The following TENM2 variants were observed in gnomAD, a reference collection of about 807,000 sequenced individuals.
TENM2 encodes teneurin transmembrane protein 2, also known as teneurin-2.
Under a neutral mutation model 245.2 loss-of-function variants are expected in TENM2, and 52 were observed. The ratio of observed to expected loss-of-function variants is 0.21; its 90% CI spans 0.17 to 0.27. The LOEUF is 0.27. Ranked by LOEUF, TENM2 falls within the 10% of genes least tolerant of loss-of-function variation. The pLI is 1.00. For missense variants in TENM2, 3,046 were observed against 3,666.8 expected, an observed-to-expected ratio of 0.83 and a Z score of 4.37; for synonymous variants, 1,363 against 1,438.9, an observed-to-expected ratio of 0.95 and a Z score of 1.19.
intron 2 of TENM2, among the ~76,000 whole-genome samples, chr5:167,545,854 G>A (rs1672174176): frequency 6.6e-6 from 1 of 152,114 alleles, no homozygotes; most frequent in Non-Finnish European, 1.5e-5. Context: ...TTGACCATAC[G>A]TACAGACTTG....
the TENM2 span, among the ~76,000 whole-genome samples, chr5:167,107,846 A>G: frequency 6.6e-6 from 1 of 152,194 alleles, no homozygotes; most frequent in Non-Finnish European, 1.5e-5. Flanking sequence ...TTCACATAAA[A>G]ATGTTCAAAT....
the TENM2 span, among the ~76,000 whole-genome samples, chr5:167,226,813 A>C: frequency 1.3e-4 from 20 of 151,974 alleles, no homozygotes; most frequent in South Asian, 6.2e-4. Context: ...AGTGAGATTT[A>C]TTTCTTTCTT....
chr5:167,456,885 T>C (rs574299091), intron 2 of TENM2, among the ~76,000 whole-genome samples: 3 of 152,306 alleles, frequency 2.0e-5, no homozygotes, highest in African/African-American at 7.2e-5. Context: ...TCATAAGTCA[T>C]GCTGCAGCTC....
At chr5:168,094,003 ACACATAGACATACACATACACACAGG>A (rs1689920905) in intron 8 of TENM2, among the ~76,000 whole-genome samples, 1 of 151,038 alleles carries the variant, frequency 6.6e-6, no homozygotes, top group Non-Finnish European at 1.5e-5. Flanking sequence ...AGACACACAT[ACACATAGACATACACATACACACAGG>A]CACACACACA....
chr5:167,861,740 C>CTTAAATGTGT (rs1771831132), intron 2 of TENM2, among the ~76,000 whole-genome samples: 1 of 152,216 alleles, frequency 6.6e-6, no homozygotes, highest in Admixed American at 6.5e-5. Context: ...GAAGGGCACA[C>CTTAAATGTGT]ATTTAATTTG....
chr5:168,102,224 C>T (rs528294637), intron 9 of TENM2, among the ~76,000 whole-genome samples: 1 of 152,194 alleles, frequency 6.6e-6, no homozygotes, highest in South Asian at 2.1e-4. Context: ...CAGGCATGTG[C>T]CACCATGAAT....
intron 2 of TENM2, among the ~76,000 whole-genome samples, chr5:167,739,515 G>A (rs1024285308): frequency 4.6e-5 from 7 of 152,094 alleles, no homozygotes; most frequent in Non-Finnish European, 8.8e-5. Context: ...GAAGCAATAA[G>A]CAACTCCCTA....
intron 2 of TENM2, among the ~76,000 whole-genome samples, chr5:167,816,686 A>T (rs572388751): frequency 2.2e-4 from 33 of 152,274 alleles, no homozygotes; most frequent in African/African-American, 7.7e-4. Flanking sequence ...ATATGGAAAA[A>T]AAAATCCTAG....
At chr5:167,415,984 A>G (rs1309966427) in intron 2 of TENM2, among the ~76,000 whole-genome samples, 1 of 152,164 alleles carries the variant, frequency 6.6e-6, no homozygotes, top group Non-Finnish European at 1.5e-5. Flanking sequence ...AGTAATTGTG[A>G]CAGCCCTGTG....
At chr5:167,706,209 A>G (rs1314314401) in intron 2 of TENM2, among the ~76,000 whole-genome samples, 1 of 146,070 alleles carries the variant, frequency 6.8e-6, no homozygotes, top group Non-Finnish European at 1.5e-5. Flanking sequence ...ATATAATTAT[A>G]TAGTATGTAA....
rs1453720866 is a variant in TENM2, at chr5:168,231,332, T to TAAGA, written c.5520+3204_5520+3207dup. Among the ~76,000 whole-genome samples the TAAGA allele has an allele frequency of 3.9e-5, 6 of 152,282 alleles. 2 individuals are homozygous for TAAGA. The South Asian group carries it at 1.0e-3, about 26-fold the overall frequency. On this transcript the variant is annotated intron_variant, in intron 25 of 28. Transcript: ENST00000518659. ...AGCTGGAATCATTTCTGTAGAGTAG[T>TAAGA]AAGAATCAGCCAGGCAGAGATAGGG...
At chr5:168,054,770 G>A (rs373288578) in intron 6 of TENM2, among the ~76,000 whole-genome samples, 2 of 152,288 alleles carry the variant, frequency 1.3e-5, no homozygotes, top group South Asian at 4.1e-4. Flanking sequence ...TCAGAAATAG[G>A]TAATAGTTTC....
At chr5:167,350,891 G>GGATATA (rs1464489531) in intron 1 of TENM2, among the ~76,000 whole-genome samples, 2 of 29,588 alleles carry the variant, frequency 6.8e-5, no homozygotes, top group Admixed American at 4.7e-4. Context: ...TATATGGGAT[G>GGATATA]TATACATATG....
chr5:168,225,377 AAG>A (rs1376935295), intron 23 of TENM2, among the ~76,000 whole-genome samples: 1 of 152,178 alleles, frequency 6.6e-6, no homozygotes, highest in Non-Finnish European at 1.5e-5. Context: ...CCAATGGGAA[AAG>A]AGTGTGGTTT....
At chr5:167,776,614 A>AAAAAAAAAAAAAAC (rs1763809712) in intron 2 of TENM2, among the ~76,000 whole-genome samples, 1 of 99,962 alleles carries the variant, frequency 1.0e-5, no homozygotes, top group Non-Finnish European at 1.8e-5. Flanking sequence ...AAAAAAAAAA[A>AAAAAAAAAAAAAAC]AAAAAAAAAA....
chr5:167,777,078 G>A (rs144574246), intron 2 of TENM2, among the ~76,000 whole-genome samples: 5 of 152,326 alleles, frequency 3.3e-5, no homozygotes, highest in African/African-American at 1.2e-4. Context: ...ACAATTTACA[G>A]GAGTAGAAGG....
intron 14 of TENM2, among the ~76,000 whole-genome samples, chr5:168,193,790 T>C (rs1443039700): frequency 2.0e-5 from 3 of 152,248 alleles, no homozygotes; most frequent in Admixed American, 1.3e-4. Context: ...TAAAGAAATC[T>C]TAGTCCGAGC....
chr5:167,231,671 G>A, the TENM2 span, among the ~76,000 whole-genome samples: 2 of 152,180 alleles, frequency 1.3e-5, no homozygotes, highest in African/African-American at 4.8e-5. Flanking sequence ...GGGGAGCAGA[G>A]CATAAAAGTT....
intron 2 of TENM2, among the ~76,000 whole-genome samples, chr5:167,875,075 G>A (rs1773303485): frequency 6.6e-6 from 1 of 152,176 alleles, no homozygotes; most frequent in Admixed American, 6.5e-5. Flanking sequence ...TCTTTAGGAA[G>A]GCATTGGTGA....
Sources: gnomAD v4.1 joint callset for allele counts (sites outside exome capture counted in the v4.1 genomes callset) on GRCh38, gnomAD v4.1.1 for gene constraint, MANE v1.5 for transcripts, NCBI Gene and HGNC (gene_info 2026-07-23, HGNC 2026-07-21) for gene names.